The following MLLT6 variants were observed in gnomAD, a reference collection of about 807,000 sequenced individuals.
MLLT6 encodes the protein MLLT6, PHD finger containing, also known as protein AF-17.
MLLT6 carries 22 observed loss-of-function variants against 103.0 expected under a neutral mutation model. The ratio of observed to expected loss-of-function variants is 0.21; its 90% confidence interval spans 0.15 to 0.31. The LOEUF (loss-of-function observed/expected upper bound fraction) is 0.31, where lower values mean the gene tolerates loss of function less well. MLLT6 is among the 10% of genes least tolerant of loss of function. The pLI is 1.00. For synonymous variants in MLLT6, 606 were observed against 623.5 expected (o/e 0.97, Z 0.42); for missense variants, 1,199 against 1,441.7 (o/e 0.83, Z 2.73).
In MLLT6 at chr17:38,715,648, G is replaced by A. The variant is rs1162857323; in HGVS notation, c.856G>A (p.Ala286Thr). 3 of 1,613,712 alleles carry A rather than the reference G, an allele frequency of 1.9e-6. No individual in the cohort carries two copies. The highest frequency in any genetic ancestry group is 2.5e-6 in the Non-Finnish European group (3 of 1,179,962). Residue 286 changes from alanine (A) to threonine (T), a missense_variant, in exon 9 of 20, where the codon GCC (alanine) becomes ACC (threonine). Around this residue, in one of 7 missense-constraint regions of MLLT6, gnomAD observed 1,034 missense variants for 1,091.5 expected, o/e 0.95. Transcript: ENST00000621332. ...GGCTTCCTCTTCCTCCCACCACGAG[G>A]CCAGCACGCAGGAGACCTCTGAGAG... is the stretch of plus-strand genomic sequence containing the variant. ...SSASSSSHHE[A>T]STQETSESSR...
chr17:38,706,030 C>G (rs1439989362), intron 1 of MLLT6: 1 of 175,152 alleles, frequency 5.7e-6, no homozygotes, highest in African/African-American at 2.4e-5. Flanking sequence ...CCGCGGGTGT[C>G]GGGGCTGCCT....
rs753712614 is a variant in MLLT6 at position 38,715,847 on chromosome 17, G to T, written c.1036+19G>T. 6.4e-6 allele frequency: 10 copies of T among 1,567,672 alleles called. No individual in the cohort carries two copies. The South Asian group carries it at 1.2e-4, about 18-fold the overall frequency. ...CCTGCAGGTGAGTGTGGGCATCCGG[G>T]AGGAAGCTGGGAGCAGGGAAAGCCT... is the stretch of plus-strand genomic sequence containing the variant. On this transcript the variant is annotated intron_variant, in intron 9 of 19. Coordinates refer to ENST00000621332, the MANE Select transcript of MLLT6 (RefSeq NM_005937.4).
chr17:38,709,705 A>G lies in MLLT6; in HGVS notation c.552+130A>G, dbSNP rs1905078356. ...GAGGGAAAAAACCCAGTCCCTGCCC[A>G]AGAGGAGCTCTTCATTCGATGAGGA... On this transcript the variant is annotated intron_variant, in intron 6 of 19. Transcript: ENST00000621332. The surrounding 1 kb of genome is among the most constrained non-coding windows in gnomAD (Gnocchi z 4.3). The G allele has an allele frequency of 1.5e-6, 1 of 687,744 alleles. No individual in the cohort carries two copies. Among genetic ancestry groups the G allele is most frequent in the Admixed American group, 2.2e-5 (1 of 45,322 alleles). 42.6% of individuals were successfully genotyped at this position (687,744 alleles called of 1,614,324 possible).
chr17:38,712,041 A>G (rs1905159515), intron 7 of MLLT6, 27 bp downstream of exon 7: 2 of 1,518,334 alleles, frequency 1.3e-6, no homozygotes, highest in African/African-American at 2.8e-5. Context: ...ACCTGCCATC[A>G]CTCCCACACG....
intron 14 of MLLT6, 40 bp downstream of exon 14, chr17:38,719,935 G>T: frequency 6.6e-7 from 1 of 1,522,488 alleles, no homozygotes; most frequent in Non-Finnish European, 8.8e-7. Context: ...CTGCCCTAGG[G>T]CCCTAACAGT....
Position 38,722,168 on chromosome 17 carries a change from C to G in MLLT6, c.2733C>G (p.Pro911=). ...TGAATGGGGCCGCTGCCCCCAACCC[C>G]GCAAGCTTGAGCCAGGCTGGCGGGG... is the stretch of plus-strand genomic sequence containing the variant. The part of the protein sequence containing the change: ...GGLNGAAAPN[P]ASLSQAGGAP... Residue 911 remains proline, a synonymous_variant, in exon 17 of 20, where the codon CCC becomes CCG. Transcript: ENST00000621332. The G allele has an allele frequency of 1.5e-6, 2 of 1,369,838 alleles. No individual in the cohort carries two copies. The highest frequency in any genetic ancestry group is 1.9e-6 in the Non-Finnish European group (2 of 1,066,782). The allele number at this position is 1,369,838 out of a possible 1,614,324, so 84.9% of individuals were successfully genotyped here. A position where few individuals can be genotyped will look rare whatever the true frequency, so the allele number is the denominator to read the frequency against.
Position 38,728,669 on chromosome 17 carries a change from C to T in MLLT6, c.*3071C>T, listed in dbSNP as rs976048572. The T allele has an allele frequency of 2.1e-5, 5 of 233,802 alleles. No individual in the cohort carries two copies. The highest frequency in any genetic ancestry group is 4.2e-5 in the Non-Finnish European group (5 of 118,196). The allele number at this position is 233,802 out of a possible 1,614,324, so 14.5% of individuals were successfully genotyped here. A position where few individuals can be genotyped will look rare whatever the true frequency, so the allele number is the denominator to read the frequency against. On this transcript the variant is annotated 3_prime_UTR_variant, in exon 20 of 20. Transcript: ENST00000621332. ...ATGACAGCTCCAAGCCTAGAAGGGG[C>T]TCAGTGACAGGGCCAGGACAAGCCC... is the stretch of plus-strand genomic sequence containing the variant.
At chr17:38,720,944 G>C in intron 16 of MLLT6, 197 bp downstream of exon 16, 1 of 608,274 alleles carries the variant, frequency 1.6e-6, no homozygotes, top group Non-Finnish European at 2.9e-6. Context: ...AGCAATCAGT[G>C]AGCAAAACCG....
chr17:38,716,291 C>T lies in MLLT6; in HGVS notation c.1037-76C>T. On this transcript the variant is annotated intron_variant, in intron 9 of 19. Coordinates refer to ENST00000621332, the MANE Select transcript of MLLT6 (RefSeq NM_005937.4). This position sits in a 1 kb window ranked among gnomAD's most constrained non-coding sequence, Gnocchi z 5.6. ...CCCATTCGTGGACCAGAGCTCTCTC[C>T]CGCCAGTACACGCGGGAGTGGGAGG... is the stretch of plus-strand genomic sequence containing the variant. The T allele has an allele frequency of 6.8e-7, 1 of 1,471,266 alleles. No individual in the cohort carries two copies. Among genetic ancestry groups the T allele is most frequent in the South Asian group, 1.2e-5 (1 of 81,632 alleles). 91.1% of individuals were successfully genotyped at this position (1,471,266 alleles called of 1,614,324 possible). A position where few individuals can be genotyped will look rare whatever the true frequency, so the allele number is the denominator to read the frequency against.
At position 38,720,432 on chromosome 17, in the gene MLLT6, A is replaced by G. The variant is rs1254926260; in HGVS notation, c.2216A>G (p.Gln739Arg). ...LQKENQRLQE[Q>R]ILSLTAKKER... ...AAGGAGAACCAGCGGCTGCAAGAGC[A>G]GATCCTGAGCCTGACGGCCAAAAAG... is the stretch of plus-strand genomic sequence containing the variant. The change falls in exon 15 of 20, where the codon CAG (glutamine) becomes CGG (arginine). Residue 739 changes from glutamine (Q) to arginine (R), a missense_variant. By Grantham distance (43) the Gln-to-Arg change is conservative. Transcript: ENST00000621332. The G allele has an allele frequency of 1.9e-6, 3 of 1,612,720 alleles. No individual in the cohort carries two copies. Among genetic ancestry groups the G allele is most frequent in the African/African-American group, 2.7e-5 (2 of 74,918 alleles).
chr17:38,727,366 AG>A lies in MLLT6; in HGVS notation c.*1773del, dbSNP rs1392784673. On this transcript the variant is annotated 3_prime_UTR_variant, in exon 20 of 20. Coordinates refer to ENST00000621332, the MANE Select transcript of MLLT6 (RefSeq NM_005937.4). ...TTAGGCACTTGCAAGGGCTTGGGGGAGGGGGAGGCAGTTGTGATGACCTCAG... is the reference window on the plus strand; with the variant it reads ...TTAGGCACTTGCAAGGGCTTGGGGGAGGGGAGGCAGTTGTGATGACCTCAG... The A allele has an allele frequency of 4.5e-6, 1 of 220,858 alleles. No homozygotes were observed. Among genetic ancestry groups the A allele is most frequent in the Admixed American group, 6.0e-5 (1 of 16,542 alleles). 13.7% of individuals were successfully genotyped at this position (220,858 alleles called of 1,614,324 possible).
chr17:38,720,164 G>C, intron 14 of MLLT6: 1 of 693,168 alleles, frequency 1.4e-6, no homozygotes, highest in African/African-American at 1.8e-5. Flanking sequence ...GTGTGGCCTC[G>C]ACCCCAGCCT....
At chr17:38,707,363 T>C in intron 2 of MLLT6, 123 bp from the exon 3 acceptor site, 1 of 839,258 alleles carries the variant, frequency 1.2e-6, no homozygotes, top group Non-Finnish European at 1.9e-6. Flanking sequence ...CCAATCCTGT[T>C]TCCACTGTAG....
In MLLT6 at chr17:38,709,403, C is replaced by A; in HGVS notation, c.459-79C>A. ...TTGGATGGTCTTGGCTTCGCCTCAG[C>A]AGGGGGCCAGGAGGGTGAGAGGAAG... On this transcript the variant is annotated intron_variant, in intron 5 of 19. Coordinates refer to ENST00000621332, the MANE Select transcript of MLLT6 (RefSeq NM_005937.4). This position sits in a 1 kb window ranked among gnomAD's most constrained non-coding sequence, Gnocchi z 4.3. The A allele has an allele frequency of 6.9e-7, 1 of 1,444,030 alleles. No individual in the cohort carries two copies. The highest frequency in any genetic ancestry group is 9.8e-7 in the Non-Finnish European group (1 of 1,025,082). 89.5% of individuals were successfully genotyped at this position (1,444,030 alleles called of 1,614,324 possible).
rs767863529 is a variant in MLLT6, at chr17:38,719,885, C to G, written c.2145C>G (p.Ala715=). 3.0e-5 allele frequency: 47 copies of G among 1,583,248 alleles called. 2 individuals carry two copies. In the Middle Eastern group the frequency reaches 1.4e-3, roughly 47 times the overall value. Residue 715 remains alanine (A), a synonymous_variant, in exon 14 of 20, where the codon GCC becomes GCG. Coordinates refer to ENST00000621332, the MANE Select transcript of MLLT6 (RefSeq NM_005937.4). The part of the protein sequence containing the change: ...QLLEKQGDGE[A]GVNIVEMLKA... Reference sequence around the variant, plus strand: ...TGGAGAAGCAGGGCGACGGGGAGGCCGGCGTCAACAGTGAGGAGGGGTGGC... The same window carrying G: ...TGGAGAAGCAGGGCGACGGGGAGGCGGGCGTCAACAGTGAGGAGGGGTGGC...
chr17:38,711,804 C>T (rs987566028), intron 6 of MLLT6, 43 bp from the exon 7 acceptor site: 13 of 1,472,220 alleles, frequency 8.8e-6, no homozygotes, highest in African/African-American at 8.5e-5. Flanking sequence ...TCCCTAAGCC[C>T]GTGAGAAGAG....
Position 38,726,049 on chromosome 17 carries a change from T to A in MLLT6, c.*451T>A. 4.1e-6 allele frequency: 1 copy of A among 241,594 alleles called. No individual in the cohort carries two copies. The allele number at this position is 241,594 out of a possible 1,614,324, so 15.0% of individuals were successfully genotyped here. A position where few individuals can be genotyped will look rare whatever the true frequency, so the allele number is the denominator to read the frequency against. On this transcript the variant is annotated 3_prime_UTR_variant, in exon 20 of 20. Coordinates refer to ENST00000621332, the MANE Select transcript of MLLT6 (RefSeq NM_005937.4). ...GAAGAAGGGCTGGACCCACTTTACC[T>A]GCAGTTTCTTCCCAGCTCGGGCAGA...
intron 17 of MLLT6, 44 bp from the exon 18 acceptor site, chr17:38,722,634 T>TGGGGGGGGGGTTGTGGGG: frequency 1.9e-6 from 1 of 532,162 alleles, no homozygotes; most frequent in East Asian, 4.4e-5. Context: ...CCCTCCCCCA[T>TGGGGGGGGGGTTGTGGGG]GGTCTGTGTG....
intron 14 of MLLT6, 118 bp downstream of exon 14, chr17:38,720,013 T>C (rs1415191195): frequency 1.5e-6 from 2 of 1,360,830 alleles, no homozygotes; most frequent in Non-Finnish European, 2.0e-6. Flanking sequence ...CAGCCTTGAC[T>C]CTCGGCCACC....
Sources: gnomAD v4.1 joint callset for allele counts on GRCh38, gnomAD v4.1.1 for gene constraint, gnomAD v4.1.1 regional missense constraint, Gnocchi (gnomAD v3.1) non-coding constraint, MANE v1.5 for transcripts, NCBI Gene and HGNC (gene_info 2026-07-23, HGNC 2026-07-21) for gene names.